The following TXNRD1 variants were observed in gnomAD, a reference collection of about 807,000 sequenced individuals.
TXNRD1 encodes the protein thioredoxin reductase 1.
TXNRD1 carries 57 observed loss-of-function variants against 80.3 expected under a neutral mutation model. The ratio of observed to expected loss-of-function variants is 0.71; its 90% confidence interval spans 0.57 to 0.89. TXNRD1 has a LOEUF of 0.89. Ranked by LOEUF, TXNRD1 falls within the 40% of genes least tolerant of loss-of-function variation. TXNRD1 has a pLI of 0.00. For missense variants in TXNRD1, 730 were observed against 803.0 expected (o/e 0.91, Z 1.10); for synonymous variants, 291 against 285.2 (o/e 1.02, Z -0.20).
At chr12:104,340,887 C>T (rs2036302215) in intron 16 of TXNRD1, among the ~76,000 whole-genome samples, 1 of 152,188 alleles carries the variant, frequency 6.6e-6, no homozygotes, top group South Asian at 2.1e-4. Context: ...TCAAGATACT[C>T]ACAAGCTTCA....
chr12:104,341,489 A>C (rs977120371), intron 16 of TXNRD1, among the ~76,000 whole-genome samples: 1 of 152,180 alleles, frequency 6.6e-6, no homozygotes, highest in Non-Finnish European at 1.5e-5. Context: ...TCCTAGGATC[A>C]GGGTAGATAT....
chr12:104,311,247 G>T, intron 4 of TXNRD1, 43 bp from the exon 5 acceptor site: 1 of 1,517,630 alleles, frequency 6.6e-7, no homozygotes, highest in Admixed American at 2.3e-5. Flanking sequence ...GGACATTGCT[G>T]ATTTTAAGTT....
intron 5 of TXNRD1, among the ~76,000 whole-genome samples, 198 bp from the exon 6 acceptor site, chr12:104,313,047 C>T (rs2035195378): frequency 6.6e-6 from 1 of 152,168 alleles, no homozygotes; most frequent in Admixed American, 6.5e-5. Context: ...TTAAAATCTA[C>T]TCTCAGAACT....
At chr12:104,267,669 C>CTTTCTTTCTTTCTTTG (rs1565870109) in intron 3 of TXNRD1, among the ~76,000 whole-genome samples, 14 of 40,652 alleles carry the variant, frequency 3.4e-4, no homozygotes, top group South Asian at 2.3e-3. Flanking sequence ...TTCTTTCTTT[C>CTTTCTTTCTTTCTTTG]TTTCTTTCTT....
At chr12:104,285,102 GA>G (rs2033944249) in intron 3 of TXNRD1, among the ~76,000 whole-genome samples, 1 of 152,188 alleles carries the variant, frequency 6.6e-6, no homozygotes, top group African/African-American at 2.4e-5. Flanking sequence ...TGGAAGCAGG[GA>G]GGTGGAGGTT....
intron 4 of TXNRD1, among the ~76,000 whole-genome samples, chr12:104,300,493 CTTCT>C (rs1481410544): frequency 6.6e-6 from 1 of 152,122 alleles, no homozygotes; most frequent in Non-Finnish European, 1.5e-5. Flanking sequence ...AGTGCAGTTT[CTTCT>C]TTTTAAGCTT....
chr12:104,291,060 C>T (rs1026988054), intron 4 of TXNRD1: 24 of 686,846 alleles, frequency 3.5e-5, no homozygotes, highest in African/African-American at 1.8e-4. Flanking sequence ...CATCCGGCCT[C>T]GGCCTCCTAA....
intron 16 of TXNRD1, among the ~76,000 whole-genome samples, chr12:104,347,899 TAAAA>T (rs35620383): frequency 6.6e-6 from 1 of 151,968 alleles, no homozygotes; most frequent in Admixed American, 6.6e-5. Context: ...TAAAGCTTCT[TAAAA>T]AAACAAGAGA....
intron 10 of TXNRD1, among the ~76,000 whole-genome samples, chr12:104,323,524 CG>C (rs1163575003): frequency 2.1e-5 from 3 of 140,792 alleles, no homozygotes. Flanking sequence ...GCTGGCCGGG[CG>C]GGGGGCTGAC....
chr12:104,289,739 T>TAAAAAA (rs5800616), intron 4 of TXNRD1, among the ~76,000 whole-genome samples: 1 of 150,262 alleles, frequency 6.7e-6, no homozygotes, highest in Non-Finnish European at 1.5e-5. Flanking sequence ...TTTATGTATT[T>TAAAAAA]AAAAAAAAAA....
At chr12:104,309,223 A>C (rs187149035) in intron 4 of TXNRD1, among the ~76,000 whole-genome samples, 63 of 152,262 alleles carry the variant, frequency 4.1e-4, no homozygotes, top group African/African-American at 1.5e-3. Context: ...TTCTAAGGTC[A>C]ACTGAATGCT....
At chr12:104,240,725 T>C (rs927339731) in intron 1 of TXNRD1, among the ~76,000 whole-genome samples, 2 of 150,378 alleles carry the variant, frequency 1.3e-5, no homozygotes, top group Non-Finnish European at 2.9e-5. Flanking sequence ...ATATGTTTTT[T>C]GTCCAGAAAA....
chr12:104,334,266 A>G lies in TXNRD1; in HGVS notation c.1680A>G (p.Glu560=), dbSNP rs2036056282. The G allele has an allele frequency of 1.3e-6, 2 of 1,533,520 alleles. No homozygotes were observed. The highest frequency in any genetic ancestry group is 2.8e-5 in the African/African-American group (2 of 72,476). 95.0% of individuals were successfully genotyped at this position (1,533,520 alleles called of 1,614,324 possible). The part of the protein sequence containing the change: ...EVYHSYFWPL[E]WTIPSRDNNK... ...ACCATAGTTACTTTTGGCCATTGGA[A>G]TGGACGATTCCGTCAAGAGATAACA... Residue 560 remains glutamate (E), a synonymous_variant, in exon 15 of 17, where the codon GAA becomes GAG. Coordinates refer to ENST00000525566, the MANE Select transcript of TXNRD1 (RefSeq NM_001093771.3).
chr12:104,264,121 G>A (rs571492055), intron 3 of TXNRD1, among the ~76,000 whole-genome samples: 134 of 152,294 alleles, frequency 8.8e-4, no homozygotes, highest in African/African-American at 3.0e-3. Flanking sequence ...CAACAGATTT[G>A]CTTTGGGCAC....
At position 104,348,578 on chromosome 12, in the gene TXNRD1, G is replaced by A. The variant is rs2036565214; in HGVS notation, c.*157G>A. ...GCCCCCTTGGATCTCTTGGATAGGA[G>A]TTGGTGAATAGAAGGCAGGCAGCAT... On this transcript the variant is annotated 3_prime_UTR_variant, in exon 17 of 17. Transcript: ENST00000525566. 4.7e-6 allele frequency: 3 copies of A among 638,544 alleles called. No homozygotes were observed. The highest frequency in any genetic ancestry group is 8.2e-6 in the Non-Finnish European group (3 of 367,418). The allele number at this position is 638,544 out of a possible 1,614,324, so 39.6% of individuals were successfully genotyped here.
intron 3 of TXNRD1, among the ~76,000 whole-genome samples, chr12:104,272,074 A>G (rs569270036): frequency 8.5e-4 from 130 of 152,222 alleles, no homozygotes; most frequent in Middle Eastern, 3.4e-3. Context: ...GGCTGATGTT[A>G]TAAGTAAAGT....
chr12:104,241,233 G>T (rs888654053), intron 1 of TXNRD1, among the ~76,000 whole-genome samples: 1 of 151,536 alleles, frequency 6.6e-6, no homozygotes, highest in African/African-American at 2.4e-5. Flanking sequence ...TAGAGATGGG[G>T]TTTCACCATG....
intron 3 of TXNRD1, among the ~76,000 whole-genome samples, chr12:104,282,671 G>A (rs1593747535): frequency 6.6e-6 from 1 of 152,204 alleles, no homozygotes; most frequent in South Asian, 2.1e-4. Flanking sequence ...TAACTGCAAG[G>A]GTTGGGGCAC....
At chr12:104,281,706 A>G (rs745531034) in intron 3 of TXNRD1, among the ~76,000 whole-genome samples, 23 of 151,990 alleles carry the variant, frequency 1.5e-4, no homozygotes, top group Non-Finnish European at 2.5e-4. Context: ...GAGCCCGGCC[A>G]TATCTCCACT....
Sources: gnomAD v4.1 joint callset for allele counts (sites outside exome capture counted in the v4.1 genomes callset) on GRCh38, gnomAD v4.1.1 for gene constraint, MANE v1.5 for transcripts, NCBI Gene and HGNC (gene_info 2026-07-23, HGNC 2026-07-21) for gene names.